Variants in MRPL21 observed in about 807,000 individuals in gnomAD.
MRPL21 encodes the protein large ribosomal subunit protein bL21m.
MRPL21 carries 20 observed loss-of-function variants against 27.3 expected under a neutral mutation model. The observed-to-expected ratio is 0.73, with a 90% CI of 0.52 to 1.06. The LOEUF (loss-of-function observed/expected upper bound fraction) is 1.06, where lower values mean the gene tolerates loss of function less well. Among genes scored for constraint, MRPL21 ranks in the 50% least tolerant of loss-of-function variants. The pLI is 0.00. For synonymous variants in MRPL21, 98 were observed against 101.5 expected (o/e 0.97, Z 0.21); for missense variants, 249 against 251.4 (o/e 0.99, Z 0.06).
Position 68,892,894 on chromosome 11 carries a change from T to C in MRPL21, c.549A>G (p.Lys183=), listed in dbSNP as rs377728771. Residue 183 remains lysine, a synonymous_variant, in exon 6 of 7, where the codon AAA becomes AAG. Transcript: ENST00000362034. ...RFRKRKNFKK[K]RIVTTPQTVL... is the part of the protein sequence containing the mutation. ...GCGGTACTTTCTCTAACTTACTTCT[T>C]TTCTTCTTGAAGTTTTTCCTTTTCC... The C allele has an allele frequency of 1.2e-5, 20 of 1,611,910 alleles. No individual in the cohort carries two copies. The highest frequency in any genetic ancestry group is 1.4e-5 in the Non-Finnish European group (16 of 1,178,608).
intron 6 of MRPL21, chr11:68,891,661 T>A: frequency 3.5e-6 from 2 of 570,890 alleles, no homozygotes; most frequent in Admixed American, 3.0e-5. Flanking sequence ...CCACACTGTC[T>A]ATGCTGTGAC....
At chr11:68,896,827 C>G in intron 3 of MRPL21, 149 bp from the exon 4 acceptor site, 1 of 946,580 alleles carries the variant, frequency 1.1e-6, no homozygotes, top group East Asian at 2.5e-5. Flanking sequence ...GGCCCAGCCC[C>G]TGCTCCACCC....
chr11:68,898,864 T>C (rs1241383340), intron 2 of MRPL21, among the ~76,000 whole-genome samples: 3 of 152,188 alleles, frequency 2.0e-5, no homozygotes, highest in Non-Finnish European at 4.4e-5. Flanking sequence ...CTCAGCTCAC[T>C]GCAACCTCTG....
At position 68,903,812 on chromosome 11, in the gene MRPL21, G is replaced by GCCGCCGCCATCTTT; in HGVS notation, c.-3_-2insAAAGATGGCGGCGG. Reference sequence around the variant, plus strand: ...GACCGTCAGGGAAGATGCTGCCATGGCCGCAGCCTCGGCCGGAAACGGAAA... The same window carrying GCCGCCGCCATCTTT: ...GACCGTCAGGGAAGATGCTGCCATGGCCGCCGCCATCTTTCCGCAGCCTCGGCCGGAAACGGAAA... On this transcript the variant is annotated 5_prime_UTR_variant, in exon 1 of 7. In the 5' UTR this introduces an upstream ATG that the reference lacks. Coordinates refer to ENST00000362034, the MANE Select transcript of MRPL21 (RefSeq NM_181514.2). The GCCGCCGCCATCTTT allele has an allele frequency of 6.2e-7, 1 of 1,612,214 alleles. No homozygotes were observed.
chr11:68,895,212 C>T (rs1436025721), intron 4 of MRPL21, among the ~76,000 whole-genome samples: 4 of 151,788 alleles, frequency 2.6e-5, no homozygotes, highest in South Asian at 2.1e-4. Context: ...TGCAGTGAGC[C>T]GAGATTGTGC....
chr11:68,891,911 G>T (rs560569347), intron 6 of MRPL21: 7 of 508,302 alleles, frequency 1.4e-5, no homozygotes, highest in Admixed American at 3.7e-5. Context: ...TGCCCCGTGG[G>T]TGCCATCCCT....
In MRPL21 at chr11:68,896,644, C is replaced by T. The variant is rs765278690; in HGVS notation, c.267G>A (p.Thr89=). 151 of 1,614,088 alleles carry T rather than the reference C, an allele frequency of 9.4e-5. No homozygotes were observed. The highest frequency in any genetic ancestry group is 1.7e-4 in the Middle Eastern group (1 of 6,058). Reference sequence around the variant, plus strand: ...CGGCAAAGAGCCTGCCATACTGCCCCGTGACGATCATCTCATTCACCTTCT... The same window carrying T: ...CGGCAAAGAGCCTGCCATACTGCCCTGTGACGATCATCTCATTCACCTTCT... ...VVKKVNEMIV[T]GQYGRLFAVV... The change falls in exon 4 of 7, where the codon ACG becomes ACA. Residue 89 remains threonine, a synonymous_variant. Coordinates refer to ENST00000362034, the MANE Select transcript of MRPL21 (RefSeq NM_181514.2).
chr11:68,897,995 G>C lies in MRPL21; in HGVS notation c.164C>G (p.Ser55Cys). 6.2e-7 allele frequency: 1 copy of C among 1,614,030 alleles called. No individual in the cohort carries two copies. The highest frequency in any genetic ancestry group is 8.5e-7 in the Non-Finnish European group (1 of 1,179,898). ...TTCTGGCCAAGGTGGTGAACTCAGG[G>C]ATGTTTTAGGAACATATCTGTAAAA... ...SYLPGYVPKTSLSSPPWPEVV... is the reference protein window; with the variant it reads ...SYLPGYVPKTCLSSPPWPEVV... Residue 55 changes from serine (S) to cysteine (C), a missense_variant, in exon 3 of 7, where the codon TCC becomes TGC. Transcript: ENST00000362034.
At chr11:68,900,510 A>G (rs1260806510) in intron 2 of MRPL21, 38 bp downstream of exon 2, 1 of 1,578,176 alleles carries the variant, frequency 6.3e-7, no homozygotes, top group Non-Finnish European at 8.7e-7. Flanking sequence ...CTACAAATGA[A>G]AGGAAAAGAG....
chr11:68,891,306 C>G lies in MRPL21; in HGVS notation c.*25G>C. 6.2e-7 allele frequency: 1 copy of G among 1,610,838 alleles called. No individual in the cohort carries two copies. Among genetic ancestry groups the G allele is most frequent in the Non-Finnish European group, 8.5e-7 (1 of 1,177,108 alleles). ...TTGGGAAGCAGGAGTTTATTTTTAT[C>G]CTTTTGTAAGTATTAACTCGGTAAT... On this transcript the variant is annotated 3_prime_UTR_variant, in exon 7 of 7. Transcript: ENST00000362034.
At chr11:68,903,536 T>G (rs1858030268) in intron 1 of MRPL21, among the ~76,000 whole-genome samples, 187 bp downstream of exon 1, 1 of 152,208 alleles carries the variant, frequency 6.6e-6, no homozygotes, top group Admixed American at 6.5e-5. Context: ...TTGTCAGTAT[T>G]CAGGCTACTA....
At position 68,892,638 on chromosome 11, in the gene MRPL21, G is replaced by C. The variant is rs530761073; in HGVS notation, c.553+252C>G. 16 of 1,426,936 alleles carry C rather than the reference G, an allele frequency of 1.1e-5. 2 individuals carry two copies. In the African/African-American group the frequency reaches 2.3e-4, roughly 20 times the overall value. The allele number at this position is 1,426,936 out of a possible 1,614,324, so 88.4% of individuals were successfully genotyped here. A position where few individuals can be genotyped will look rare whatever the true frequency, so the allele number is the denominator to read the frequency against. On this transcript the variant is annotated intron_variant, in intron 6 of 6. Transcript: ENST00000362034. ...GTGGAGGAGAAGGGGAGCGAGGTGG[G>C]GTCACGTGCGGAGCGTGGAGGAGAA...
intron 1 of MRPL21, among the ~76,000 whole-genome samples, chr11:68,901,277 C>A (rs1316627072): frequency 6.6e-6 from 1 of 152,172 alleles, no homozygotes; most frequent in African/African-American, 2.4e-5. Flanking sequence ...GACCCTGAGC[C>A]AGAACCAGCC....
At chr11:68,891,602 A>G in intron 6 of MRPL21, 1 of 610,198 alleles carries the variant, frequency 1.6e-6, no homozygotes, top group Non-Finnish European at 3.0e-6. Context: ...CTGGGACACC[A>G]GACGCCTCAT....
In MRPL21 at chr11:68,893,409, A is replaced by G; in HGVS notation, c.443T>C (p.Leu148Pro). 1 of 1,614,198 alleles carries G rather than the reference A, an allele frequency of 6.2e-7. No homozygotes were observed. Residue 148 changes from leucine (L) to proline (P), a missense_variant, in exon 5 of 7, where the codon CTC (leucine) becomes CCC (proline). Leu to Pro is a moderately conservative substitution (Grantham distance 98). Coordinates refer to ENST00000362034, the MANE Select transcript of MRPL21 (RefSeq NM_181514.2). Reference sequence around the variant, plus strand: ...AGCACTTCACAGCCATTACCCGAGGAGTGGCTTGCCAAGCAGCGTGAAGTT... The same window carrying G: ...AGCACTTCACAGCCATTACCCGAGGGGTGGCTTGCCAAGCAGCGTGAAGTT... ...ADNFTLLGKP[L>P]LGKDLVRVEA...
intron 3 of MRPL21, 138 bp from the exon 4 acceptor site, chr11:68,896,816 C>A: frequency 8.9e-7 from 1 of 1,128,156 alleles, no homozygotes; most frequent in Middle Eastern, 3.0e-4. Flanking sequence ...TCACTGCTGG[C>A]GGCCCAGCCC....
At chr11:68,891,916 A>T in intron 6 of MRPL21, 1 of 523,258 alleles carries the variant, frequency 1.9e-6, no homozygotes, top group Non-Finnish European at 3.1e-6. Context: ...CGTGGGTGCC[A>T]TCCCTCAGGA....
chr11:68,892,050 G>A (rs187165340), intron 6 of MRPL21: 17 of 1,289,788 alleles, frequency 1.3e-5, no homozygotes, highest in African/African-American at 9.1e-5. Flanking sequence ...GGGGTCATGC[G>A]TGGAGGGTGG....
At chr11:68,903,610 C>T in intron 1 of MRPL21, 113 bp downstream of exon 1, 1 of 1,119,336 alleles carries the variant, frequency 8.9e-7, no homozygotes, top group Non-Finnish European at 1.3e-6. Flanking sequence ...ATATTCACCA[C>T]AAATGCGATC....
Sources: gnomAD v4.1 joint callset for allele counts (sites outside exome capture counted in the v4.1 genomes callset) on GRCh38, gnomAD v4.1.1 for gene constraint, MANE v1.5 for transcripts, NCBI Gene and HGNC (gene_info 2026-07-23, HGNC 2026-07-21) for gene names.